Variants in CNTNAP2 observed in about 807,000 individuals in gnomAD.
CNTNAP2 encodes the protein contactin-associated protein-like 2.
A neutral mutation model predicts 155.2 loss-of-function variants in CNTNAP2; 98 were observed. The observed-to-expected ratio is 0.63, with a 90% confidence interval of 0.54 to 0.75. The LOEUF (loss-of-function observed/expected upper bound fraction) is 0.75, where lower values mean the gene tolerates loss of function less well. Among genes scored for constraint, CNTNAP2 ranks in the 30% least tolerant of loss-of-function variants. The pLI is 0.00. For synonymous variants in CNTNAP2, 651 were observed against 631.2 expected, an observed-to-expected ratio of 1.03 and a Z score of -0.47; for missense variants, 1,727 against 1,688.1, an observed-to-expected ratio of 1.02 and a Z score of -0.40.
At chr7:146,982,184 A>G (rs1436454812) in intron 3 of CNTNAP2, among the ~76,000 whole-genome samples, 1 of 152,220 alleles carries the variant, frequency 6.6e-6, no homozygotes, top group East Asian at 1.9e-4. Context: ...AGCCATTAAC[A>G]TAAAAATACA....
At chr7:146,446,925 T>C (rs1470376791) in intron 1 of CNTNAP2, among the ~76,000 whole-genome samples, 1 of 152,088 alleles carries the variant, frequency 6.6e-6, no homozygotes, top group Non-Finnish European at 1.5e-5. Flanking sequence ...GCATATTAAT[T>C]TTAGACTTTT....
chr7:147,207,114 G>A (rs894627678), intron 8 of CNTNAP2, among the ~76,000 whole-genome samples: 1 of 152,148 alleles, frequency 6.6e-6, no homozygotes, highest in Non-Finnish European at 1.5e-5. Context: ...AATGCCTCTC[G>A]TTGGCAGAAT....
At chr7:147,534,912 A>G (rs1337221116) in intron 11 of CNTNAP2, among the ~76,000 whole-genome samples, 10 of 152,002 alleles carry the variant, frequency 6.6e-5, no homozygotes, top group African/African-American at 1.9e-4. Flanking sequence ...CACTTGCAGA[A>G]ATTCAAGTGG....
chr7:147,260,805 C>T (rs1047275822), intron 8 of CNTNAP2, among the ~76,000 whole-genome samples: 2 of 152,112 alleles, frequency 1.3e-5, no homozygotes, highest in African/African-American at 2.4e-5. Flanking sequence ...TTTATGGACG[C>T]GGAAATTCAA....
intron 21 of CNTNAP2, among the ~76,000 whole-genome samples, chr7:148,274,310 G>A (rs1224957151): frequency 6.6e-6 from 1 of 151,894 alleles, no homozygotes; most frequent in African/African-American, 2.4e-5. Context: ...CTGTGGCAGA[G>A]CCTTGGCCTG....
intron 10 of CNTNAP2, among the ~76,000 whole-genome samples, chr7:147,440,166 T>C (rs1370666592): frequency 2.0e-5 from 3 of 152,040 alleles, no homozygotes; most frequent in African/African-American, 7.2e-5. Flanking sequence ...GTCTTCCTTT[T>C]AGTGAGGGTG....
chr7:146,806,112 A>G (rs532696084), intron 2 of CNTNAP2, among the ~76,000 whole-genome samples: 2 of 152,292 alleles, frequency 1.3e-5, no homozygotes, highest in Admixed American at 1.3e-4. Flanking sequence ...TAGGTAAAAC[A>G]CTAATTATGT....
At chr7:147,158,174 T>TA (rs1801961820) in intron 8 of CNTNAP2, among the ~76,000 whole-genome samples, 1 of 152,102 alleles carries the variant, frequency 6.6e-6, no homozygotes, top group South Asian at 2.1e-4. Context: ...GAAAAGTGAT[T>TA]AAACATGTCA....
intron 9 of CNTNAP2, among the ~76,000 whole-genome samples, chr7:147,377,403 T>C (rs1025451459): frequency 6.6e-6 from 1 of 151,892 alleles, no homozygotes; most frequent in Non-Finnish European, 1.5e-5. Flanking sequence ...TTAACTTTAA[T>C]ATTAGTCATT....
At chr7:146,656,171 G>A (rs770732038) in intron 1 of CNTNAP2, among the ~76,000 whole-genome samples, 1 of 152,188 alleles carries the variant, frequency 6.6e-6, no homozygotes, top group African/African-American at 2.4e-5. Context: ...ATGTTTCAAC[G>A]TTTATGGTCT....
At chr7:146,401,587 T>C (rs773584128) in intron 1 of CNTNAP2, among the ~76,000 whole-genome samples, 1 of 152,146 alleles carries the variant, frequency 6.6e-6, no homozygotes, top group South Asian at 2.1e-4. Flanking sequence ...CATATATAAA[T>C]TGTGTGTTCA....
intron 9 of CNTNAP2, among the ~76,000 whole-genome samples, chr7:147,388,045 G>A (rs751198223): frequency 1.8e-4 from 27 of 152,230 alleles, no homozygotes; most frequent in Admixed American, 5.9e-4. Context: ...TTCACTTTTA[G>A]ACAGGCAGAC....
At chr7:147,131,374 G>C (rs561134998) in intron 7 of CNTNAP2, among the ~76,000 whole-genome samples, 1 of 151,884 alleles carries the variant, frequency 6.6e-6, no homozygotes, top group South Asian at 2.1e-4. Flanking sequence ...GATAAAAGAA[G>C]TTAGAAGCAA....
chr7:146,378,991 C>G (rs73738719), intron 1 of CNTNAP2, among the ~76,000 whole-genome samples: 2,089 of 152,342 alleles, frequency 0.014, 43 homozygotes, highest in African/African-American at 0.047. Flanking sequence ...ACAACTAGAG[C>G]AACAGACATG....
chr7:146,375,084 T>A (rs950331161), intron 1 of CNTNAP2, among the ~76,000 whole-genome samples: 1 of 152,238 alleles, frequency 6.6e-6, no homozygotes, highest in African/African-American at 2.4e-5. Context: ...TTTTAAAACT[T>A]CACTTGTGTT....
chr7:147,837,933 C>G (rs1023779663), intron 13 of CNTNAP2, among the ~76,000 whole-genome samples: 1 of 152,182 alleles, frequency 6.6e-6, no homozygotes. Context: ...ACAGCTCTTC[C>G]AGGTGCATGG....
chr7:147,093,779 G>A (rs982571428), intron 4 of CNTNAP2, among the ~76,000 whole-genome samples: 1 of 152,122 alleles, frequency 6.6e-6, no homozygotes, highest in Non-Finnish European at 1.5e-5. Context: ...GAGACTCAAG[G>A]TGTGATTCAT....
intron 3 of CNTNAP2, among the ~76,000 whole-genome samples, chr7:146,846,095 G>A (rs892591064): frequency 1.3e-5 from 2 of 152,052 alleles, no homozygotes; most frequent in East Asian, 1.9e-4. Context: ...GTCTGCATGC[G>A]AAAGTCAGGA....
chr7:148,086,608 C>T (rs937055234), intron 15 of CNTNAP2, among the ~76,000 whole-genome samples: 9 of 152,074 alleles, frequency 5.9e-5, no homozygotes, highest in Non-Finnish European at 1.3e-4. Context: ...GACCCTTGTC[C>T]GGACTCACAT....
Sources: gnomAD v4.1 joint callset for allele counts (sites outside exome capture counted in the v4.1 genomes callset) on GRCh38, gnomAD v4.1.1 for gene constraint, MANE v1.5 for transcripts, NCBI Gene and HGNC (gene_info 2026-07-23, HGNC 2026-07-21) for gene names.